Variants in ANO10 observed in about 807,000 individuals in gnomAD.
ANO10 encodes the protein anoctamin 10, also known as anoctamin-10.
A neutral mutation model predicts 74.7 loss-of-function variants in ANO10; 77 were observed. The observed-to-expected ratio is 1.03, with a 90% CI of 0.86 to 1.25. The LOEUF is 1.25. Among genes scored for constraint, ANO10 ranks in the 50% most tolerant of loss-of-function variants. The pLI is 0.00. For missense variants in ANO10, 721 were observed against 778.1 expected, an observed-to-expected ratio of 0.93 and a Z score of 0.87; for synonymous variants, 279 against 284.9, an observed-to-expected ratio of 0.98 and a Z score of 0.21.
chr3:43,375,240 G>C (rs2091759136), intron 12 of ANO10, among the ~76,000 whole-genome samples: 1 of 152,048 alleles, frequency 6.6e-6, no homozygotes, highest in African/African-American at 2.4e-5. Context: ...GAGGTCAGGA[G>C]TTTGAGACCA....
chr3:43,404,086 C>T (rs1233020361), intron 12 of ANO10, among the ~76,000 whole-genome samples: 2 of 152,116 alleles, frequency 1.3e-5, no homozygotes, highest in East Asian at 1.9e-4. Context: ...ATTCAGCTGA[C>T]TTTAAGTTAA....
chr3:43,682,272 C>G (rs1420352660), intron 1 of ANO10, among the ~76,000 whole-genome samples: 1 of 152,162 alleles, frequency 6.6e-6, no homozygotes, highest in Non-Finnish European at 1.5e-5. Context: ...CACAGAAATA[C>G]AAACAACCAT....
chr3:43,538,470 A>G (rs1010552118), intron 11 of ANO10, among the ~76,000 whole-genome samples: 1 of 152,250 alleles, frequency 6.6e-6, no homozygotes, highest in African/African-American at 2.4e-5. Flanking sequence ...AAATAAAACA[A>G]GTTATGTGAA....
intron 11 of ANO10, among the ~76,000 whole-genome samples, chr3:43,449,742 T>A (rs575019959): frequency 6.6e-6 from 1 of 151,674 alleles, no homozygotes; most frequent in East Asian, 1.9e-4. Context: ...TCTTTGTTTT[T>A]CTTCAGCATT....
At chr3:43,600,250 C>G in intron 3 of ANO10, 134 bp downstream of exon 3, 1 of 986,448 alleles carries the variant, frequency 1.0e-6, no homozygotes, top group Non-Finnish European at 1.6e-6. Context: ...CAGCAGAGAC[C>G]ACACGGACTG....
intron 12 of ANO10, among the ~76,000 whole-genome samples, chr3:43,389,341 A>C (rs1219271990): frequency 6.6e-6 from 1 of 152,234 alleles, no homozygotes; most frequent in Non-Finnish European, 1.5e-5. Context: ...TATAAAATAT[A>C]GATGATTTTA....
chr3:43,667,582 A>C (rs2084007356), intron 1 of ANO10, among the ~76,000 whole-genome samples: 1 of 151,982 alleles, frequency 6.6e-6, no homozygotes, highest in African/African-American at 2.4e-5. Flanking sequence ...TTTATCCCTC[A>C]TCCCACTCCT....
intron 11 of ANO10, among the ~76,000 whole-genome samples, chr3:43,529,325 G>A (rs1158361094): frequency 6.6e-6 from 1 of 152,156 alleles, no homozygotes; most frequent in Non-Finnish European, 1.5e-5. Context: ...AACCTAATAT[G>A]GAACTTATGT....
At position 43,514,938 on chromosome 3, in the gene ANO10, C is replaced by T. The variant is rs115674986; in HGVS notation, c.1797+34782G>A. 9.4e-3 allele frequency among the ~76,000 whole-genome samples: 1,426 copies of T among 152,260 alleles called. 10 individuals are homozygous for T. Among genetic ancestry groups the T allele is most frequent in the Middle Eastern group, 0.034 (10 of 294 alleles). On this transcript the variant is annotated intron_variant, in intron 11 of 12. Coordinates refer to ENST00000292246, the MANE Select transcript of ANO10 (RefSeq NM_018075.5). Reference sequence around the variant, plus strand: ...TTTGCACTGAGTAAAAATGAAAACACTTGCCAGAATATGTGGGATGCACTA... The same window carrying T: ...TTTGCACTGAGTAAAAATGAAAACATTTGCCAGAATATGTGGGATGCACTA...
intron 1 of ANO10, among the ~76,000 whole-genome samples, chr3:43,611,779 A>C (rs1356231785): frequency 6.6e-6 from 1 of 152,110 alleles, no homozygotes; most frequent in Non-Finnish European, 1.5e-5. Context: ...ATTCTAGTCA[A>C]CTCTGATCAA....
At chr3:43,468,588 A>G (rs926158180) in intron 11 of ANO10, among the ~76,000 whole-genome samples, 4 of 152,180 alleles carry the variant, frequency 2.6e-5, no homozygotes, top group Non-Finnish European at 4.4e-5. Flanking sequence ...ACAGCACCCA[A>G]TGTTTCACCT....
intron 12 of ANO10, among the ~76,000 whole-genome samples, chr3:43,431,846 C>T (rs773191268): frequency 6.6e-6 from 1 of 152,088 alleles, no homozygotes; most frequent in Non-Finnish European, 1.5e-5. Flanking sequence ...GGGTCCTCTT[C>T]ACGTTCTTTT....
chr3:43,525,483 G>A (rs1010881245), intron 11 of ANO10, among the ~76,000 whole-genome samples: 5 of 152,246 alleles, frequency 3.3e-5, no homozygotes, highest in Admixed American at 1.3e-4. Context: ...AACCATTCCT[G>A]CTTCTGCTCA....
chr3:43,668,490 A>G (rs2084019017), intron 1 of ANO10, among the ~76,000 whole-genome samples: 1 of 152,070 alleles, frequency 6.6e-6, no homozygotes, highest in Admixed American at 6.6e-5. Context: ...TTAGCCATGA[A>G]TTCTTTGCCT....
chr3:43,370,487 A>C (rs1329314342), intron 12 of ANO10, among the ~76,000 whole-genome samples: 1 of 130,130 alleles, frequency 7.7e-6, no homozygotes, highest in Non-Finnish European at 1.6e-5. Context: ...GACGGTGCCT[A>C]GGCACCAGGC....
chr3:43,659,246 G>A (rs2149572126), intron 1 of ANO10, among the ~76,000 whole-genome samples: 1 of 152,314 alleles, frequency 6.6e-6, no homozygotes, highest in African/African-American at 2.4e-5. Context: ...CCAAAGTAGG[G>A]TGGGGCGTCA....
chr3:43,535,356 A>G (rs1238524157), intron 11 of ANO10, among the ~76,000 whole-genome samples: 1 of 148,102 alleles, frequency 6.8e-6, no homozygotes, highest in Non-Finnish European at 1.5e-5. Flanking sequence ...GCTCACTGAA[A>G]CCTCTGCCTC....
intron 11 of ANO10, among the ~76,000 whole-genome samples, chr3:43,501,714 C>T (rs2077106835): frequency 6.6e-6 from 1 of 152,150 alleles, no homozygotes; most frequent in Non-Finnish European, 1.5e-5. Context: ...ATAATAATGT[C>T]CACACATGAC....
At chr3:43,686,633 G>A (rs1434976385) in intron 1 of ANO10, among the ~76,000 whole-genome samples, 2 of 152,254 alleles carry the variant, frequency 1.3e-5, no homozygotes, top group East Asian at 1.9e-4. Context: ...AGACCTTGCT[G>A]TCCAGTATGG....
Sources: gnomAD v4.1 joint callset for allele counts (sites outside exome capture counted in the v4.1 genomes callset) on GRCh38, gnomAD v4.1.1 for gene constraint, MANE v1.5 for transcripts, NCBI Gene and HGNC (gene_info 2026-07-23, HGNC 2026-07-21) for gene names.